TMEM74: variants seen among roughly 807,000 people sequenced by gnomAD.
TMEM74 encodes the protein transmembrane protein 74.
In TMEM74, 13 loss-of-function variants were observed where a neutral mutation model predicts 18.1. The ratio of observed to expected loss-of-function variants is 0.72; its 90% CI spans 0.47 to 1.14. The LOEUF (loss-of-function observed/expected upper bound fraction) is 1.14, where lower values mean the gene tolerates loss of function less well. Ranked by LOEUF, TMEM74 falls within the 50% of genes most tolerant of loss-of-function variation. TMEM74 has a pLI of 0.00. For missense variants in TMEM74, 372 were observed against 375.9 expected, an observed-to-expected ratio of 0.99 and a Z score of 0.09; for synonymous variants, 159 against 146.6, an observed-to-expected ratio of 1.08 and a Z score of -0.61.
chr8:108,705,750 T>C (rs1256633566), intron 1 of TMEM74, among the ~76,000 whole-genome samples: 2 of 151,904 alleles, frequency 1.3e-5, no homozygotes, highest in Non-Finnish European at 2.9e-5. Context: ...CACACATGAG[T>C]TGTATTATAC....
At chr8:108,617,387 T>C (rs1812395323) in intron 2 of TMEM74, among the ~76,000 whole-genome samples, 1 of 152,144 alleles carries the variant, frequency 6.6e-6, no homozygotes, top group African/African-American at 2.4e-5. Context: ...TGTTTTAAAG[T>C]AAATCCTACA....
chr8:108,730,326 A>T (rs1226970223), intron 1 of TMEM74, among the ~76,000 whole-genome samples: 1 of 152,168 alleles, frequency 6.6e-6, no homozygotes, highest in African/African-American at 2.4e-5. Flanking sequence ...TGGCTTGCAG[A>T]AGACTCTGGA....
rs147492352 is a variant in TMEM74, at chr8:108,653,808, T to C, written n.264+1485A>G. Among the ~76,000 whole-genome samples, 16 of 152,272 alleles carry C rather than the reference T, an allele frequency of 1.1e-4. No homozygotes were observed. The East Asian group carries it at 3.1e-3, about 29-fold the overall frequency. On this transcript the variant is annotated intron_variant and non_coding_transcript_variant, in intron 2 of 3. Coordinates refer to the TMEM74 transcript ENST00000518838. ...TGGTTATGTGCAAATATCCTTTTTC[T>C]GAAGATGAATTACACAAATTGGGAT...
intron 1 of TMEM74, among the ~76,000 whole-genome samples, chr8:108,701,171 A>T (rs1210881381): frequency 6.7e-6 from 1 of 149,908 alleles, no homozygotes. Flanking sequence ...TAAGCATTTG[A>T]CAAAATCCAA....
chr8:108,608,637 C>T (rs1812303618), intron 3 of TMEM74: 1 of 152,170 alleles, frequency 6.6e-6, no homozygotes, highest in South Asian at 2.1e-4. Context: ...ACTTCAACTT[C>T]CCAGAACCTT....
intron 1 of TMEM74, among the ~76,000 whole-genome samples, chr8:108,704,134 C>A (rs1813365854): frequency 6.6e-6 from 1 of 152,124 alleles, no homozygotes; most frequent in African/African-American, 2.4e-5. Context: ...GGTCAACTTG[C>A]CTGTTTATAT....
intron 1 of TMEM74, among the ~76,000 whole-genome samples, chr8:108,727,248 T>C (rs180865969): frequency 1.3e-5 from 2 of 152,284 alleles, no homozygotes; most frequent in East Asian, 1.9e-4. Context: ...ATTTGAGTTA[T>C]AAAAAGATCA....
intron 1 of TMEM74, among the ~76,000 whole-genome samples, chr8:108,738,287 T>C (rs1020866916): frequency 2.0e-5 from 3 of 152,204 alleles, no homozygotes; most frequent in African/African-American, 4.8e-5. Flanking sequence ...GATTGGGGCC[T>C]TTTAGTGCAG....
chr8:108,679,467 A>G (rs1257344165), intron 1 of TMEM74, among the ~76,000 whole-genome samples: 1 of 152,036 alleles, frequency 6.6e-6, no homozygotes. Context: ...GTATCTCATT[A>G]TGGTTTTGAT....
chr8:108,692,134 A>G (rs1586263015), intron 1 of TMEM74, among the ~76,000 whole-genome samples: 2 of 152,338 alleles, frequency 1.3e-5, no homozygotes, highest in East Asian at 3.9e-4. Context: ...CACATAAAGC[A>G]GAAACCGATT....
intron 2 of TMEM74, among the ~76,000 whole-genome samples, chr8:108,618,770 G>A (rs1812411066): frequency 1.3e-5 from 2 of 152,298 alleles, no homozygotes; most frequent in South Asian, 4.1e-4. Flanking sequence ...TTAAACTAGA[G>A]AAGGATGATT....
At chr8:108,665,818 A>G (rs1812944105) in intron 1 of TMEM74, among the ~76,000 whole-genome samples, 1 of 152,102 alleles carries the variant, frequency 6.6e-6, no homozygotes, top group Non-Finnish European at 1.5e-5. Context: ...ATGTACAAAG[A>G]GATGGAGAAG....
intron 1 of TMEM74, among the ~76,000 whole-genome samples, chr8:108,756,231 T>C (rs1455932925): frequency 6.6e-6 from 1 of 152,046 alleles, no homozygotes; most frequent in African/African-American, 2.4e-5. Flanking sequence ...AGTTAGGTTT[T>C]ACTATGTGTA....
intron 1 of TMEM74, among the ~76,000 whole-genome samples, chr8:108,770,768 C>G (rs1814162726): frequency 6.6e-6 from 1 of 152,114 alleles, no homozygotes; most frequent in Non-Finnish European, 1.5e-5. Context: ...ATTTTTGTGG[C>G]TCCTTTAAAA....
intron 1 of TMEM74, among the ~76,000 whole-genome samples, chr8:108,768,981 T>C (rs912251356): frequency 2.6e-5 from 4 of 151,796 alleles, no homozygotes; most frequent in African/African-American, 9.7e-5. Context: ...ACAGAACAAT[T>C]TGGAAGAGGG....
In TMEM74 at chr8:108,781,371, T is replaced by C. The variant is rs974003087; in HGVS notation, c.*2810A>G. On this transcript the variant is annotated 3_prime_UTR_variant, in exon 2 of 2. Coordinates refer to ENST00000297459, the MANE Select transcript of TMEM74 (RefSeq NM_153015.3). The stretch of plus-strand genomic sequence containing the variant: ...AAAGTACCTCTAGAGCCAAAAACAC[T>C]CTTTGTCAGATTGGGAAAAACAGGA... Among the ~76,000 whole-genome samples the C allele has an allele frequency of 6.6e-6, 1 of 152,110 alleles. No individual in the cohort carries two copies. Among genetic ancestry groups the C allele is most frequent in the Non-Finnish European group, 1.5e-5 (1 of 68,024 alleles).
intron 1 of TMEM74, among the ~76,000 whole-genome samples, chr8:108,729,434 A>C (rs943131611): frequency 6.6e-6 from 1 of 152,236 alleles, no homozygotes; most frequent in African/African-American, 2.4e-5. Context: ...GAGATAATCC[A>C]GCATAATCTT....
intron 2 of TMEM74, among the ~76,000 whole-genome samples, chr8:108,612,371 G>T (rs1455958678): frequency 6.6e-6 from 1 of 151,998 alleles, no homozygotes; most frequent in Non-Finnish European, 1.5e-5. Context: ...TTTATGAAGG[G>T]TCATAAGAAT....
At chr8:108,735,836 C>T (rs1281734303) in intron 1 of TMEM74, among the ~76,000 whole-genome samples, 1 of 152,140 alleles carries the variant, frequency 6.6e-6, no homozygotes, top group Non-Finnish European at 1.5e-5. Flanking sequence ...CATTTTCCTC[C>T]TCCCTGTACA....
Sources: gnomAD v4.1 joint callset for allele counts (sites outside exome capture counted in the v4.1 genomes callset) on GRCh38, gnomAD v4.1.1 for gene constraint, MANE v1.5 for transcripts, NCBI Gene and HGNC (gene_info 2026-07-23, HGNC 2026-07-21) for gene names.